The following DCAF6 variants were observed in gnomAD, a reference collection of about 807,000 sequenced individuals.
DCAF6 encodes the protein DDB1 and CUL4 associated factor 6, also known as DDB1- and CUL4-associated factor 6.
In DCAF6, 54 loss-of-function variants were observed where a neutral mutation model predicts 125.1. The ratio of observed to expected loss-of-function variants is 0.43; its 90% CI spans 0.35 to 0.54. The LOEUF (loss-of-function observed/expected upper bound fraction) is 0.54. Ranked by LOEUF, DCAF6 falls within the 20% of genes least tolerant of loss-of-function variation. The pLI is 0.01. For synonymous variants in DCAF6, 371 were observed against 390.4 expected (o/e 0.95, Z 0.58); for missense variants, 934 against 1,161.7 (o/e 0.80, Z 2.85).
intron 10 of DCAF6, among the ~76,000 whole-genome samples, chr1:168,009,413 CTTTT>C (rs1261250555): frequency 6.1e-5 from 7 of 114,346 alleles, no homozygotes; most frequent in Admixed American, 3.7e-4. Context: ...CTCTCTCTCT[CTTTT>C]GTTTCTTTCT....
At chr1:168,040,165 C>T (rs1012917203) in intron 13 of DCAF6, among the ~76,000 whole-genome samples, 1 of 151,736 alleles carries the variant, frequency 6.6e-6, no homozygotes, top group African/African-American at 2.4e-5. Context: ...GAGTGAGCCA[C>T]GTATTTATAT....
chr1:168,026,794 C>G (rs2103271385), intron 12 of DCAF6, among the ~76,000 whole-genome samples: 1 of 151,870 alleles, frequency 6.6e-6, no homozygotes, highest in Non-Finnish European at 1.5e-5. Context: ...CTATATGATG[C>G]TGGAAGTCAC....
chr1:168,041,984 A>G (rs1184567957), intron 13 of DCAF6, among the ~76,000 whole-genome samples: 4 of 151,478 alleles, frequency 2.6e-5, no homozygotes, highest in Non-Finnish European at 5.9e-5. Context: ...CATGACACTC[A>G]ACACTGATGC....
At chr1:168,050,868 C>A in intron 16 of DCAF6, 24 bp from the exon 17 acceptor site, 2 of 1,293,744 alleles carry the variant, frequency 1.5e-6, no homozygotes, top group Non-Finnish European at 2.0e-6. Flanking sequence ...TAAGTGATTT[C>A]AGTTATTGTG....
At position 168,044,981 on chromosome 1, in the gene DCAF6, G is replaced by A. The variant is rs1688985768; in HGVS notation, c.2012G>A (p.Gly671Glu). 10 of 1,614,100 alleles carry A rather than the reference G, an allele frequency of 6.2e-6. No individual in the cohort carries two copies. The highest frequency in any genetic ancestry group is 8.5e-6 in the Non-Finnish European group (10 of 1,179,972). Residue 671 changes from glycine (G) to glutamate (E), a missense_variant, in exon 16 of 22, where the codon GGG (glycine) becomes GAG (glutamate). Transcript: ENST00000367840. ...GACCTCAATCTTGATCGCTCTTGTG[G>A]GGTTCCAGAAGAATCTGCTTCATCT... is the stretch of plus-strand genomic sequence containing the variant. Reference protein sequence around the residue: ...RNDLNLDRSCGVPEESASSEK... With the variant: ...RNDLNLDRSCEVPEESASSEK...
intron 16 of DCAF6, among the ~76,000 whole-genome samples, chr1:168,047,109 G>A (rs1441151148): frequency 2.0e-5 from 3 of 152,060 alleles, no homozygotes; most frequent in African/African-American, 7.2e-5. Context: ...TTGAAACACA[G>A]TACTATAACA....
intron 2 of DCAF6, among the ~76,000 whole-genome samples, chr1:167,956,798 T>A (rs1674854584): frequency 6.6e-6 from 1 of 152,182 alleles, no homozygotes; most frequent in Non-Finnish European, 1.5e-5. Flanking sequence ...TTTAATTTAT[T>A]TTGTAATTTC....
intron 2 of DCAF6, among the ~76,000 whole-genome samples, chr1:167,963,380 T>C (rs1429286745): frequency 6.6e-6 from 1 of 152,002 alleles, no homozygotes; most frequent in Admixed American, 6.6e-5. Flanking sequence ...TTTGTCTTTG[T>C]TCCTTGTTCC....
the DCAF6 span, among the ~76,000 whole-genome samples, chr1:167,908,376 G>A: frequency 3.3e-5 from 5 of 152,274 alleles, no homozygotes; most frequent in Admixed American, 1.3e-4. Flanking sequence ...AAGCAGAGTA[G>A]AATGGTGATG....
At chr1:168,004,276 A>G (rs780758535) in intron 9 of DCAF6, among the ~76,000 whole-genome samples, 4 of 152,140 alleles carry the variant, frequency 2.6e-5, no homozygotes, top group African/African-American at 7.2e-5. Flanking sequence ...GAATGGAAAT[A>G]TATAAAATTC....
chr1:168,028,428 AT>A (rs1686625287), intron 12 of DCAF6, among the ~76,000 whole-genome samples: 1 of 152,168 alleles, frequency 6.6e-6, no homozygotes, highest in African/African-American at 2.4e-5. Flanking sequence ...CCTTACAGTG[AT>A]TCCATTAAGT....
the DCAF6 span, among the ~76,000 whole-genome samples, chr1:167,901,236 T>A: frequency 1.6e-3 from 242 of 152,324 alleles, 1 homozygote; most frequent in Non-Finnish European, 2.1e-4. Flanking sequence ...AAGCTTTTCC[T>A]ACACCTCATT....
intron 1 of DCAF6, among the ~76,000 whole-genome samples, chr1:167,943,598 G>T (rs976416278): frequency 6.6e-6 from 1 of 152,042 alleles, no homozygotes; most frequent in Non-Finnish European, 1.5e-5. Context: ...GTCAAGTGAG[G>T]GCTTTTAAGG....
chr1:167,875,228 G>A, the DCAF6 span: 1 of 1,587,082 alleles, frequency 6.3e-7, no homozygotes, highest in East Asian at 2.2e-5. Context: ...ATTCAAAACA[G>A]GGACATATTG....
At chr1:168,045,480 T>G (rs1415875491) in intron 16 of DCAF6, among the ~76,000 whole-genome samples, 2 of 152,208 alleles carry the variant, frequency 1.3e-5, no homozygotes, top group Non-Finnish European at 2.9e-5. Context: ...GCTTCTGAAT[T>G]TACAGATCAA....
chr1:167,883,678 T>C, the DCAF6 span: 2 of 1,576,946 alleles, frequency 1.3e-6, no homozygotes, highest in Non-Finnish European at 1.7e-6. Flanking sequence ...AGTGGATCCC[T>C]CCCCCAACAC....
intron 17 of DCAF6, among the ~76,000 whole-genome samples, chr1:168,058,750 G>A (rs1366728442): frequency 6.6e-6 from 1 of 152,146 alleles, no homozygotes; most frequent in East Asian, 1.9e-4. Flanking sequence ...TGTATTTGTA[G>A]TAGAGATGGG....
chr1:168,071,161 A>G (rs1397937677), intron 21 of DCAF6, among the ~76,000 whole-genome samples: 1 of 152,232 alleles, frequency 6.6e-6, no homozygotes, highest in Non-Finnish European at 1.5e-5. Context: ...CAGCAGCCAG[A>G]GGGATCCTTT....
At chr1:167,994,397 C>CT (rs1301470821) in intron 7 of DCAF6, among the ~76,000 whole-genome samples, 3 of 152,048 alleles carry the variant, frequency 2.0e-5, no homozygotes, top group Admixed American at 6.5e-5. Context: ...GTCCATGGAT[C>CT]AATAGAAGTT....
Sources: allele counts gnomAD v4.1 joint callset (sites outside exome capture counted in the v4.1 genomes callset), GRCh38; gene constraint gnomAD v4.1.1; transcripts MANE v1.5; gene names NCBI Gene and HGNC (gene_info 2026-07-23, HGNC 2026-07-21).